Variants in CTNNA2 observed in about 807,000 individuals in gnomAD.
CTNNA2 encodes the protein catenin alpha 2.
In CTNNA2, 42 loss-of-function variants were observed where a neutral mutation model predicts 101.0. The observed-to-expected ratio is 0.42, with a 90% CI of 0.32 to 0.54. The LOEUF is 0.54. CTNNA2 is among the 20% of genes least tolerant of loss of function. The pLI is 0.14. For synonymous variants in CTNNA2, 450 were observed against 456.4 expected, an observed-to-expected ratio of 0.99 and a Z score of 0.18; for missense variants, 871 against 1,223.1, an observed-to-expected ratio of 0.71 and a Z score of 4.29.
At position 79,641,847 on chromosome 2, in the gene CTNNA2, G is replaced by A. The variant is rs549165710; in HGVS notation, c.-5-9705G>A. Among the ~76,000 whole-genome samples the A allele has an allele frequency of 7.9e-4, 120 of 152,256 alleles. No individual in the cohort carries two copies. In the East Asian group the frequency reaches 0.023, roughly 29 times the overall value. ...CTGGCTTTCTATTAGCATACTCCAG[G>A]AGTGGTGAATTTCTATAAAATTGGC... On this transcript the variant is annotated intron_variant, in intron 1 of 18. Coordinates refer to ENST00000402739, the MANE Select transcript of CTNNA2 (RefSeq NM_001282597.3).
chr2:79,510,065 T>C (rs1671502330), upstream of CTNNA2, among the ~76,000 whole-genome samples: 1 of 152,224 alleles, frequency 6.6e-6, no homozygotes, highest in Non-Finnish European at 1.5e-5. Flanking sequence ...GATGCCAATA[T>C]TGGCTTGGAG....
At chr2:79,248,944 A>G (rs1422472319) in intron 2 of CTNNA2, among the ~76,000 whole-genome samples, 2 of 152,132 alleles carry the variant, frequency 1.3e-5, no homozygotes, top group Non-Finnish European at 2.9e-5. Flanking sequence ...TTCAACACAG[A>G]GTTACTTAGC....
chr2:80,576,497 T>C (rs910172247), intron 13 of CTNNA2: 1 of 151,518 alleles, frequency 6.6e-6, no homozygotes, highest in African/African-American at 2.4e-5. Context: ...GACCAACATA[T>C]AGTCATTTTT....
chr2:79,237,157 T>C (rs1035100264), intron 2 of CTNNA2, among the ~76,000 whole-genome samples: 1 of 152,236 alleles, frequency 6.6e-6, no homozygotes, highest in Non-Finnish European at 1.5e-5. Flanking sequence ...TAACTCTTGA[T>C]CCATGGACTG....
chr2:79,641,705 A>G (rs544224508), intron 1 of CTNNA2, among the ~76,000 whole-genome samples: 1 of 152,326 alleles, frequency 6.6e-6, no homozygotes, highest in South Asian at 2.1e-4. Flanking sequence ...ATAATTTAGG[A>G]GTAGACTGAG....
At chr2:79,597,066 T>C (rs1677235652) in intron 1 of CTNNA2, among the ~76,000 whole-genome samples, 1 of 152,172 alleles carries the variant, frequency 6.6e-6, no homozygotes, top group African/African-American at 2.4e-5. Flanking sequence ...TATATATAGG[T>C]CAGTTTGAAA....
At chr2:79,834,544 T>G (rs2105441530) in intron 3 of CTNNA2, among the ~76,000 whole-genome samples, 1 of 152,222 alleles carries the variant, frequency 6.6e-6, no homozygotes, top group Admixed American at 6.5e-5. Flanking sequence ...CATTTGGGTT[T>G]GCTATTTTCT....
intron 7 of CTNNA2, among the ~76,000 whole-genome samples, chr2:80,034,134 C>CATGT (rs1695494819): frequency 6.6e-6 from 1 of 151,918 alleles, no homozygotes; most frequent in Admixed American, 6.6e-5. Flanking sequence ...TACGGGGGAA[C>CATGT]ATGTCAAAAG....
intron 2 of CTNNA2, among the ~76,000 whole-genome samples, chr2:79,285,012 T>C (rs1336426932): frequency 8.1e-6 from 1 of 123,798 alleles, no homozygotes; most frequent in African/African-American, 3.1e-5. Context: ...TCGAGGAATT[T>C]ATCCATTTCT....
At chr2:80,039,153 A>G (rs1695867364) in intron 7 of CTNNA2, among the ~76,000 whole-genome samples, 1 of 152,170 alleles carries the variant, frequency 6.6e-6, no homozygotes, top group Non-Finnish European at 1.5e-5. Context: ...GCAAATTACC[A>G]ACCAGAAAGC....
chr2:80,483,182 T>C (rs1042677620), intron 9 of CTNNA2, among the ~76,000 whole-genome samples: 4 of 152,098 alleles, frequency 2.6e-5, no homozygotes, highest in Non-Finnish European at 4.4e-5. Context: ...TTTTGTTCAT[T>C]TCCTACAGCC....
At chr2:80,424,019 AATC>A (rs1680764084) in intron 9 of CTNNA2, among the ~76,000 whole-genome samples, 1 of 151,786 alleles carries the variant, frequency 6.6e-6, no homozygotes. Context: ...GCAGTGGCGC[AATC>A]TCTGCTCACT....
rs1328118187 is a variant in CTNNA2 at position 79,822,339 on chromosome 2, T to G, written c.299-35674T>G. On this transcript the variant is annotated intron_variant, in intron 3 of 18. Transcript: ENST00000402739. ...TGAATGAGCTCATTACATTTTGTGC[T>G]GCCAAGTTAGTCCAGTGGACAATTT... Among the ~76,000 whole-genome samples, 5 of 152,324 alleles carry G rather than the reference T, an allele frequency of 3.3e-5. No individual in the cohort carries two copies. The East Asian group carries it at 9.6e-4, about 29-fold the overall frequency.
Position 79,378,757 on chromosome 2 carries a change from G to GA in CTNNA2, c.-135+4752dup, listed in dbSNP as rs199759827. ...AATGCCCAAATAACCATTTATAATG[G>GA]AAAAAAAATCCTTTTGGGAGCTCAT... On this transcript the variant is annotated intron_variant, in intron 4 of 21. Transcript: ENST00000466387. Among the ~76,000 whole-genome samples the GA allele has an allele frequency of 1.4e-3, 213 of 151,882 alleles. 2 individuals are homozygous for GA. Among genetic ancestry groups the GA allele is most frequent in the Middle Eastern group, 6.8e-3 (2 of 294 alleles).
chr2:79,513,400 C>A (rs1671635060), intron 1 of CTNNA2, among the ~76,000 whole-genome samples, 193 bp downstream of exon 1: 1 of 151,994 alleles, frequency 6.6e-6, no homozygotes, highest in Admixed American at 6.6e-5. Context: ...TCTCCCAGCC[C>A]CACTTCCTTC....
chr2:79,413,000 T>A (rs1225063975), intron 4 of CTNNA2, among the ~76,000 whole-genome samples: 1 of 152,106 alleles, frequency 6.6e-6, no homozygotes, highest in East Asian at 1.9e-4. Flanking sequence ...ATTTTACAAA[T>A]GATGAAACTA....
chr2:79,396,051 A>T (rs1225087086), intron 4 of CTNNA2, among the ~76,000 whole-genome samples: 1 of 152,242 alleles, frequency 6.6e-6, no homozygotes, highest in Non-Finnish European at 1.5e-5. Context: ...TGTGAAGTAT[A>T]CATGCAGGAA....
intron 2 of CTNNA2, among the ~76,000 whole-genome samples, chr2:79,661,550 G>A (rs188450116): frequency 3.5e-4 from 53 of 152,288 alleles, no homozygotes; most frequent in African/African-American, 1.3e-3. Flanking sequence ...ACCAATCCTG[G>A]TTTCTCTTAT....
At chr2:79,278,428 T>C (rs1675272651) in intron 2 of CTNNA2, among the ~76,000 whole-genome samples, 1 of 151,958 alleles carries the variant, frequency 6.6e-6, no homozygotes, top group African/African-American at 2.4e-5. Flanking sequence ...GGGGCATTAT[T>C]GTATTGTAGG....
Sources: allele counts gnomAD v4.1 joint callset (sites outside exome capture counted in the v4.1 genomes callset), GRCh38; gene constraint gnomAD v4.1.1; transcripts MANE v1.5; gene names NCBI Gene and HGNC (gene_info 2026-07-23, HGNC 2026-07-21).